Variants in RPA1 observed in about 807,000 individuals in gnomAD.
The protein encoded by RPA1 is replication protein A 70 kDa DNA-binding subunit.
RPA1 carries 49 observed loss-of-function variants against 83.0 expected under a neutral mutation model. That is an observed-to-expected ratio of 0.59 (90% confidence interval 0.47 to 0.75). RPA1 has a LOEUF of 0.75. RPA1 is among the 30% of genes least tolerant of loss of function. RPA1 has a pLI of 0.00. For missense variants in RPA1, 693 were observed against 776.1 expected (o/e 0.89, Z 1.27); for synonymous variants, 279 against 281.8 (o/e 0.99, Z 0.10).
intron 6 of RPA1, among the ~76,000 whole-genome samples, chr17:1,873,079 A>G (rs1335704443): frequency 6.6e-6 from 1 of 152,184 alleles, no homozygotes; most frequent in African/African-American, 2.4e-5. Context: ...CGTTTCCCAC[A>G]TCATCAGGTT....
intron 5 of RPA1, chr17:1,858,458 GTC>G (rs1357597911): frequency 1.6e-6 from 2 of 1,286,542 alleles, no homozygotes; most frequent in African/African-American, 1.5e-5. Flanking sequence ...TTGGGTTCTG[GTC>G]TCTCTTTTTC....
At chr17:1,836,666 G>GTT (rs777094179) in intron 1 of RPA1, among the ~76,000 whole-genome samples, 2 of 144,806 alleles carry the variant, frequency 1.4e-5, no homozygotes, top group East Asian at 2.0e-4. Flanking sequence ...TCTTTCAGCA[G>GTT]TTTTTTTTTT....
chr17:1,890,756 A>G (rs895013906), intron 14 of RPA1, among the ~76,000 whole-genome samples: 2 of 152,254 alleles, frequency 1.3e-5, no homozygotes, highest in African/African-American at 4.8e-5. Context: ...TTTGTAAACT[A>G]TAAACTTTTC....
At chr17:1,842,372 G>A (rs1912083499) in intron 1 of RPA1, among the ~76,000 whole-genome samples, 1 of 152,092 alleles carries the variant, frequency 6.6e-6, no homozygotes, top group Non-Finnish European at 1.5e-5. Context: ...AATAGACATA[G>A]AGCTATATAG....
At chr17:1,892,749 A>C (rs983085236) in intron 15 of RPA1, among the ~76,000 whole-genome samples, 1 of 152,256 alleles carries the variant, frequency 6.6e-6, no homozygotes. Context: ...ATCAGATGCA[A>C]TTCTTATGCG....
intron 4 of RPA1, among the ~76,000 whole-genome samples, chr17:1,845,576 C>T (rs1454872654): frequency 6.6e-6 from 1 of 152,038 alleles, no homozygotes; most frequent in Non-Finnish European, 1.5e-5. Flanking sequence ...TGTACACGGA[C>T]AAGTTACTGC....
In RPA1 at chr17:1,853,142, C is replaced by G. The variant is rs775867881; in HGVS notation, c.314C>G (p.Ala105Gly). ...ILMELEVLKS[A>G]EAVGVKIGNP... ...ATGGAATTAGAAGTTTTGAAGTCAG[C>G]TGAAGCAGTTGGAGTGAAGATTGGC... The change falls in exon 5 of 17, where the codon GCT (alanine) becomes GGT (glycine). Residue 105 changes from alanine to glycine, a missense_variant. Physicochemically the swap from Ala to Gly is moderately conservative, Grantham distance 60. Transcript: ENST00000254719. 6.2e-6 allele frequency: 10 copies of G among 1,613,976 alleles called. No homozygotes were observed. In the Admixed American group the frequency reaches 1.3e-4, roughly 22 times the overall value.
chr17:1,872,586 G>A (rs949508751), intron 6 of RPA1, 60 bp downstream of exon 6: 2 of 1,586,158 alleles, frequency 1.3e-6, no homozygotes, highest in Non-Finnish European at 1.7e-6. Context: ...ATCATGTTTT[G>A]AAGTTGAATC....
chr17:1,894,909 C>T, intron 15 of RPA1, 100 bp from the exon 16 acceptor site: 1 of 874,082 alleles, frequency 1.1e-6, no homozygotes, highest in Non-Finnish European at 1.9e-6. Flanking sequence ...TTTGAAACTA[C>T]CCAGGAGATG....
chr17:1,872,201 A>G, intron 5 of RPA1: 1 of 569,430 alleles, frequency 1.8e-6, no homozygotes, highest in South Asian at 2.1e-5. Context: ...AAGGCTATCA[A>G]TTCTAAGCAG....
At chr17:1,867,084 G>A (rs1024116535) in intron 5 of RPA1, among the ~76,000 whole-genome samples, 2 of 152,140 alleles carry the variant, frequency 1.3e-5, no homozygotes, top group African/African-American at 4.8e-5. Context: ...TACACAAATT[G>A]TAATTTGATG....
chr17:1,847,313 T>C (rs1912300111), intron 4 of RPA1, among the ~76,000 whole-genome samples: 1 of 152,188 alleles, frequency 6.6e-6, no homozygotes, highest in Non-Finnish European at 1.5e-5. Context: ...AGCGCTTAAG[T>C]GGTGTTTTGC....
chr17:1,871,904 C>T (rs909389509), intron 5 of RPA1, among the ~76,000 whole-genome samples: 3 of 152,136 alleles, frequency 2.0e-5, no homozygotes, highest in Non-Finnish European at 4.4e-5. Flanking sequence ...CTGTCAGTTG[C>T]AAAATAAGGT....
Position 1,846,806 on chromosome 17 carries a change from T to A in RPA1, c.272+2120T>A, listed in dbSNP as rs553103262. On this transcript the variant is annotated intron_variant, in intron 4 of 16. Coordinates refer to ENST00000254719, the MANE Select transcript of RPA1 (RefSeq NM_002945.5). ...CATAGGTCTTTACTTTAACCTTTTT[T>A]CTGATGGATGCATTGGCTTGCTTCG... 2.0e-5 allele frequency among the ~76,000 whole-genome samples: 3 copies of A among 152,296 alleles called. No homozygotes were observed. The South Asian group carries it at 6.2e-4, about 32-fold the overall frequency.
chr17:1,867,154 A>G (rs1913204519), intron 5 of RPA1, among the ~76,000 whole-genome samples: 1 of 152,194 alleles, frequency 6.6e-6, no homozygotes, highest in African/African-American at 2.4e-5. Flanking sequence ...TTGACACATC[A>G]CTTTTTTTTG....
chr17:1,844,806 T>C, intron 4 of RPA1, 120 bp downstream of exon 4: 1 of 621,694 alleles, frequency 1.6e-6, no homozygotes, highest in Non-Finnish European at 2.7e-6. Flanking sequence ...AGAACTCAGG[T>C]AGCTAACACA....
intron 4 of RPA1, among the ~76,000 whole-genome samples, chr17:1,845,199 A>C (rs966608921): frequency 1.4e-4 from 17 of 119,846 alleles, no homozygotes; most frequent in African/African-American, 5.4e-4. Context: ...TGTGTGTACA[A>C]TCTTGAATCT....
At chr17:1,887,717 A>G (rs2151290476) in intron 13 of RPA1, among the ~76,000 whole-genome samples, 1 of 151,380 alleles carries the variant, frequency 6.6e-6, no homozygotes, top group South Asian at 2.1e-4. Context: ...GCAAAACCCC[A>G]TCTCTACTAA....
intron 13 of RPA1, among the ~76,000 whole-genome samples, chr17:1,887,401 A>G (rs545579918): frequency 1.7e-3 from 257 of 152,056 alleles, no homozygotes; most frequent in African/African-American, 6.0e-3. Context: ...TCTACTAAAA[A>G]TACAAAAATT....
Sources: gnomAD v4.1 joint callset for allele counts (sites outside exome capture counted in the v4.1 genomes callset) on GRCh38, gnomAD v4.1.1 for gene constraint, MANE v1.5 for transcripts, NCBI Gene and HGNC (gene_info 2026-07-23, HGNC 2026-07-21) for gene names.